Variants in SORCS3 observed in about 807,000 individuals in gnomAD.
SORCS3 encodes VPS10 domain-containing receptor SorCS3.
A neutral mutation model predicts 146.3 loss-of-function variants in SORCS3; 57 were observed. The ratio of observed to expected loss-of-function variants is 0.39; its 90% CI spans 0.31 to 0.49. SORCS3 has a LOEUF of 0.49. Ranked by LOEUF, SORCS3 falls within the 20% of genes least tolerant of loss-of-function variation. The probability of loss-of-function intolerance (pLI) is 0.92; values close to 1 mark genes in which losing one functional copy is unlikely to be tolerated. For synonymous variants in SORCS3, 653 were observed against 618.5 expected (o/e 1.06, Z -0.83); for missense variants, 1,341 against 1,575.5 (o/e 0.85, Z 2.52).
chr10:104,646,606 GC>G (rs2015498303), intron 1 of SORCS3, among the ~76,000 whole-genome samples: 1 of 152,206 alleles, frequency 6.6e-6, no homozygotes, highest in African/African-American at 2.4e-5. Context: ...GTATAGATTG[GC>G]TAAGTCACTT....
intron 14 of SORCS3, among the ~76,000 whole-genome samples, chr10:105,195,872 A>C (rs916639944): frequency 6.6e-6 from 1 of 152,210 alleles, no homozygotes; most frequent in Non-Finnish European, 1.5e-5. Flanking sequence ...TTTGCATCTG[A>C]TACACGAAAG....
At chr10:105,021,794 A>G (rs1298217011) in intron 4 of SORCS3, among the ~76,000 whole-genome samples, 2 of 152,198 alleles carry the variant, frequency 1.3e-5, no homozygotes, top group Non-Finnish European at 2.9e-5. Flanking sequence ...GAGAAAGTTG[A>G]GAGAGAAATT....
chr10:104,996,560 CAACT>C (rs140828723), intron 4 of SORCS3, among the ~76,000 whole-genome samples: 8,117 of 152,036 alleles, frequency 0.053, 244 homozygotes, highest in Middle Eastern at 0.082. Flanking sequence ...ACAATTCAAC[CAACT>C]AAGTTAACTT....
chr10:104,754,332 G>C (rs146119672), intron 1 of SORCS3, among the ~76,000 whole-genome samples: 1 of 152,134 alleles, frequency 6.6e-6, no homozygotes, highest in Non-Finnish European at 1.5e-5. Flanking sequence ...CCCACGCAGG[G>C]CCTCCAGAAT....
chr10:105,184,247 G>A (rs1472975887), intron 14 of SORCS3, among the ~76,000 whole-genome samples: 1 of 152,220 alleles, frequency 6.6e-6, no homozygotes, highest in Non-Finnish European at 1.5e-5. Context: ...AGCAGCCATA[G>A]ACAGTATGGA....
chr10:104,963,709 T>G (rs2054810717), intron 3 of SORCS3, among the ~76,000 whole-genome samples: 1 of 152,132 alleles, frequency 6.6e-6, no homozygotes, highest in African/African-American at 2.4e-5. Context: ...AACGTCTCTG[T>G]TTGGATGTGT....
chr10:105,025,553 T>TG (rs2055222723), intron 4 of SORCS3, among the ~76,000 whole-genome samples: 1 of 152,144 alleles, frequency 6.6e-6, no homozygotes, highest in Non-Finnish European at 1.5e-5. Context: ...TCAGATAAAT[T>TG]GGAGTTTCTG....
intron 3 of SORCS3, among the ~76,000 whole-genome samples, chr10:104,926,572 G>C (rs780791266): frequency 7.2e-5 from 11 of 152,172 alleles, no homozygotes; most frequent in Non-Finnish European, 1.3e-4. Flanking sequence ...ATCCCATTAG[G>C]GCTAAGAAAG....
intron 2 of SORCS3, among the ~76,000 whole-genome samples, chr10:104,911,223 C>G (rs569069874): frequency 1.3e-5 from 2 of 152,368 alleles, no homozygotes; most frequent in Admixed American, 1.3e-4. Context: ...AGTGGCCATC[C>G]TGGAAAGGAC....
At chr10:104,675,215 G>A (rs1564656518) in intron 1 of SORCS3, among the ~76,000 whole-genome samples, 1 of 152,246 alleles carries the variant, frequency 6.6e-6, no homozygotes, top group Non-Finnish European at 1.5e-5. Flanking sequence ...GAGATGTTGA[G>A]CATTTTTCAT....
chr10:105,056,803 T>C (rs2133714821), intron 5 of SORCS3, among the ~76,000 whole-genome samples: 1 of 152,350 alleles, frequency 6.6e-6, no homozygotes, highest in South Asian at 2.1e-4. Flanking sequence ...CATTAAACAT[T>C]TTTAAAAACT....
intron 4 of SORCS3, among the ~76,000 whole-genome samples, chr10:105,028,202 G>A (rs903783187): frequency 9.2e-5 from 14 of 152,280 alleles, no homozygotes; most frequent in African/African-American, 3.4e-4. Context: ...CATGGAGTCA[G>A]GGGTCAGTAC....
At chr10:105,211,530 TA>T (rs1022854895) in intron 17 of SORCS3, among the ~76,000 whole-genome samples, 1 of 152,214 alleles carries the variant, frequency 6.6e-6, no homozygotes, top group African/African-American at 2.4e-5. Context: ...GAAGGTCATG[TA>T]GTCTTATTCC....
intron 1 of SORCS3, among the ~76,000 whole-genome samples, chr10:104,827,992 T>C (rs1053423334): frequency 3.9e-5 from 6 of 152,220 alleles, no homozygotes; most frequent in African/African-American, 1.4e-4. Flanking sequence ...AGGGCCTTGC[T>C]CTGGATTAGG....
At chr10:104,731,126 G>A (rs2016701566) in intron 1 of SORCS3, among the ~76,000 whole-genome samples, 2 of 152,204 alleles carry the variant, frequency 1.3e-5, no homozygotes, top group South Asian at 2.1e-4. Flanking sequence ...CTGTCTGGTT[G>A]TCTGGTGTCT....
intron 1 of SORCS3, among the ~76,000 whole-genome samples, chr10:104,670,134 A>T (rs796487527): frequency 3.9e-5 from 6 of 152,158 alleles, no homozygotes; most frequent in African/African-American, 1.4e-4. Flanking sequence ...CCCTTATCAG[A>T]TGTATGATTT....
At chr10:105,242,713 T>TATTTATATAC (rs370857693) in intron 20 of SORCS3, among the ~76,000 whole-genome samples, 5,875 of 98,654 alleles carry the variant, frequency 0.06, 257 homozygotes, top group Middle Eastern at 0.14. Context: ...TATATTTATA[T>TATTTATATAC]ATTTATATAC....
At chr10:105,220,573 A>G (rs1443041694) in intron 19 of SORCS3, among the ~76,000 whole-genome samples, 1 of 152,132 alleles carries the variant, frequency 6.6e-6, no homozygotes, top group Non-Finnish European at 1.5e-5. Context: ...TTTCTGGAGG[A>G]TAGCAGTGAG....
chr10:104,956,366 T>G (rs2133630585), intron 3 of SORCS3, among the ~76,000 whole-genome samples: 1 of 152,336 alleles, frequency 6.6e-6, no homozygotes, highest in South Asian at 2.1e-4. Context: ...TTGTTGTTTT[T>G]ACTTCATACA....
Sources: allele counts gnomAD v4.1 joint callset (sites outside exome capture counted in the v4.1 genomes callset), GRCh38; gene constraint gnomAD v4.1.1; transcripts MANE v1.5; gene names NCBI Gene and HGNC (gene_info 2026-07-23, HGNC 2026-07-21).